Variants in KIAA1217 observed in about 807,000 individuals in gnomAD.
KIAA1217 encodes the protein sickle tail protein homolog.
A neutral mutation model predicts 163.9 loss-of-function variants in KIAA1217; 88 were observed. The observed-to-expected ratio is 0.54, with a 90% CI of 0.45 to 0.64. KIAA1217 has a LOEUF of 0.64. Among genes scored for constraint, KIAA1217 ranks in the 30% least tolerant of loss-of-function variants. KIAA1217 has a pLI of 0.00. For synonymous variants in KIAA1217, 903 were observed against 923.1 expected (o/e 0.98, Z 0.39); for missense variants, 2,372 against 2,475.0 (o/e 0.96, Z 0.88).
chr10:23,962,155 C>A (rs891564539), intron 1 of KIAA1217, among the ~76,000 whole-genome samples: 1 of 152,214 alleles, frequency 6.6e-6, no homozygotes, highest in African/African-American at 2.4e-5. Flanking sequence ...AATGGAATTA[C>A]TAGGCATTAT....
At chr10:23,758,638 C>T (rs1217164165) in intron 1 of KIAA1217, among the ~76,000 whole-genome samples, 1 of 142,052 alleles carries the variant, frequency 7.0e-6, no homozygotes, top group Non-Finnish European at 1.5e-5. Context: ...CTCTCTCTCT[C>T]TCTCTCTCCC....
At chr10:24,240,216 C>A (rs748962331) in intron 2 of KIAA1217, among the ~76,000 whole-genome samples, 7 of 152,012 alleles carry the variant, frequency 4.6e-5, no homozygotes, top group Non-Finnish European at 1.0e-4. Context: ...CATCAGTTGC[C>A]CTGTGAGTAG....
At chr10:24,097,730 A>T (rs1179202818) in intron 2 of KIAA1217, among the ~76,000 whole-genome samples, 3 of 152,246 alleles carry the variant, frequency 2.0e-5, no homozygotes, top group African/African-American at 7.2e-5. Context: ...AAAAAACAGA[A>T]GTCATATTTC....
chr10:23,867,009 C>T (rs1443502308), intron 1 of KIAA1217, among the ~76,000 whole-genome samples: 13 of 132,306 alleles, frequency 9.8e-5, no homozygotes, highest in African/African-American at 2.3e-4. Flanking sequence ...CTCCCCCCAC[C>T]GCACAACAGT....
At chr10:24,117,051 G>GT (rs1225829423) in intron 2 of KIAA1217, among the ~76,000 whole-genome samples, 196 of 147,838 alleles carry the variant, frequency 1.3e-3, no homozygotes, top group African/African-American at 5.1e-3. Context: ...TTTTTGGGTG[G>GT]GGGGGGATGG....
chr10:23,742,596 C>T (rs1382508844), intron 1 of KIAA1217, among the ~76,000 whole-genome samples: 4 of 152,138 alleles, frequency 2.6e-5, no homozygotes, highest in Non-Finnish European at 5.9e-5. Context: ...AGGTGCCACA[C>T]ACTTTTAAAG....
chr10:24,494,356 G>T, intron 6 of KIAA1217, 144 bp from the exon 7 acceptor site: 1 of 658,380 alleles, frequency 1.5e-6, no homozygotes, highest in East Asian at 2.7e-5. Flanking sequence ...AGGATGTGCG[G>T]CTCTTCATGT....
At chr10:24,107,602 T>C (rs1184115339) in intron 2 of KIAA1217, among the ~76,000 whole-genome samples, 1 of 152,208 alleles carries the variant, frequency 6.6e-6, no homozygotes, top group Non-Finnish European at 1.5e-5. Flanking sequence ...TGGTATCTCA[T>C]TGTGGTTTTG....
At chr10:24,304,720 C>T (rs220364) in intron 2 of KIAA1217, among the ~76,000 whole-genome samples, 143,993 of 152,194 alleles carry the variant, frequency 0.95, 68,365 homozygotes, top group African/African-American at 0.98. Context: ...AACTTCCTTA[C>T]ACCTGTTTGA....
intron 2 of KIAA1217, among the ~76,000 whole-genome samples, chr10:24,316,690 C>T (rs138354351): frequency 7.6e-4 from 116 of 152,210 alleles, no homozygotes; most frequent in African/African-American, 2.7e-3. Flanking sequence ...TACAGGATAC[C>T]CCATCCCATT....
At chr10:23,868,474 T>C (rs1840301299) in intron 1 of KIAA1217, among the ~76,000 whole-genome samples, 2 of 152,154 alleles carry the variant, frequency 1.3e-5, no homozygotes, top group Non-Finnish European at 2.9e-5. Flanking sequence ...TATAGCTCTT[T>C]GTATGGAGAT....
intron 1 of KIAA1217, among the ~76,000 whole-genome samples, chr10:23,708,884 T>C (rs1837057091): frequency 6.6e-6 from 1 of 151,900 alleles, no homozygotes; most frequent in Non-Finnish European, 1.5e-5. Flanking sequence ...GGTGAAGTGG[T>C]GAGAAGTGGA....
intron 1 of KIAA1217, among the ~76,000 whole-genome samples, chr10:23,704,172 G>GTATATATATATATATA (rs35533445): frequency 7.5e-4 from 30 of 39,940 alleles, no homozygotes; most frequent in Non-Finnish European, 8.7e-4. Context: ...GTGTGTGTGT[G>GTATATATATATATATA]TATATATATA....
intron 1 of KIAA1217, among the ~76,000 whole-genome samples, chr10:23,886,558 G>A (rs1047349320): frequency 6.6e-6 from 1 of 151,958 alleles, no homozygotes; most frequent in Non-Finnish European, 1.5e-5. Context: ...TTTTTAACAG[G>A]CTCGCTAGGG....
intron 2 of KIAA1217, among the ~76,000 whole-genome samples, chr10:24,322,605 A>G (rs1003320712): frequency 1.3e-5 from 2 of 152,172 alleles, no homozygotes; most frequent in African/African-American, 4.8e-5. Context: ...AAACATATAC[A>G]CCTACTGTGT....
intron 6 of KIAA1217, among the ~76,000 whole-genome samples, chr10:24,490,308 G>A (rs574457670): frequency 6.6e-6 from 1 of 152,292 alleles, no homozygotes; most frequent in East Asian, 1.9e-4. Flanking sequence ...GCAAGAATGA[G>A]CCTAAATGTC....
intron 1 of KIAA1217, among the ~76,000 whole-genome samples, chr10:23,756,469 A>G (rs1288815464): frequency 6.6e-6 from 1 of 152,170 alleles, no homozygotes; most frequent in East Asian, 1.9e-4. Context: ...CCATGTTATA[A>G]TTTTCCAATT....
At chr10:24,451,193 C>T (rs948565820) in intron 5 of KIAA1217, among the ~76,000 whole-genome samples, 1 of 152,148 alleles carries the variant, frequency 6.6e-6, no homozygotes, top group East Asian at 1.9e-4. Flanking sequence ...CCGTGTTGCT[C>T]ATAAAAAAAT....
intron 2 of KIAA1217, among the ~76,000 whole-genome samples, chr10:24,115,781 T>C (rs1367045314): frequency 6.6e-6 from 1 of 152,196 alleles, no homozygotes; most frequent in East Asian, 1.9e-4. Context: ...TCTGGATTCC[T>C]TGGAACTGGG....
Sources: gnomAD v4.1 joint callset for allele counts (sites outside exome capture counted in the v4.1 genomes callset) on GRCh38, gnomAD v4.1.1 for gene constraint, MANE v1.5 for transcripts, NCBI Gene and HGNC (gene_info 2026-07-23, HGNC 2026-07-21) for gene names.